Variants in EMX1 observed in about 807,000 individuals in gnomAD.
EMX1 encodes empty spiracles homeobox 1.
Under a neutral mutation model 20.1 loss-of-function variants are expected in EMX1, and 10 were observed. That is an observed-to-expected ratio of 0.50 (90% CI 0.31 to 0.84). The LOEUF is 0.84. Among genes scored for constraint, EMX1 ranks in the 40% least tolerant of loss-of-function variants. The pLI is 0.05. For missense variants in EMX1, 424 were observed against 431.9 expected (o/e 0.98, Z 0.16); for synonymous variants, 250 against 200.4 (o/e 1.25, Z -2.09).
intron 2 of EMX1, among the ~76,000 whole-genome samples, chr2:72,931,831 C>G (rs1266937385): frequency 6.6e-6 from 1 of 152,262 alleles, no homozygotes; most frequent in African/African-American, 2.4e-5. Context: ...CAGCTGCCCC[C>G]ATCCCCATGC....
At chr2:72,921,311 A>G (rs1224091563) in intron 1 of EMX1, among the ~76,000 whole-genome samples, 2 of 152,074 alleles carry the variant, frequency 1.3e-5, no homozygotes, top group African/African-American at 2.4e-5. Flanking sequence ...GTCCCTTTCC[A>G]CTTTGCTAAC....
chr2:72,925,852 C>G (rs1382281397), intron 2 of EMX1: 3 of 985,438 alleles, frequency 3.0e-6, no homozygotes, highest in Non-Finnish European at 3.6e-6. Context: ...AAATCGCTCA[C>G]GGGTCGGAGG....
intron 1 of EMX1, among the ~76,000 whole-genome samples, chr2:72,922,454 T>C (rs1198181696): frequency 1.3e-5 from 2 of 152,206 alleles, no homozygotes; most frequent in African/African-American, 4.8e-5. Flanking sequence ...CAGTCGGACC[T>C]GAGGGCCCTA....
In EMX1 at chr2:72,922,979, G is replaced by A. The variant is rs78308359; in HGVS notation, c.521-1330G>A. ...AGGGTTCCGTGTTTTTGGTGCATCA[G>A]GAGGCTGTTATGTGCCCTTACATGA... On this transcript the variant is annotated intron_variant, in intron 1 of 2. Transcript: ENST00000258106. Among the ~76,000 whole-genome samples the A allele has an allele frequency of 1.5e-3, 235 of 152,308 alleles. 6 individuals carry two copies. The East Asian group carries it at 0.041, about 26-fold the overall frequency.
Position 72,926,435 on chromosome 2 carries a change from A to C in EMX1, c.705+1942A>C, listed in dbSNP as rs1011093315. 1.0e-5 allele frequency: 5 copies of C among 486,938 alleles called. No individual in the cohort carries two copies. In the African/African-American group the frequency reaches 1.1e-4, roughly 10 times the overall value. The allele number at this position is 486,938 out of a possible 1,614,324, so 30.2% of individuals were successfully genotyped here. ...CTAATCTTCTTCCCGTCTGTAAATGAGCTGCTTTTTGCATATGGTACAACA... is the reference window on the plus strand; with the variant it reads ...CTAATCTTCTTCCCGTCTGTAAATGCGCTGCTTTTTGCATATGGTACAACA... On this transcript the variant is annotated intron_variant, in intron 2 of 2. Coordinates refer to ENST00000258106, the MANE Select transcript of EMX1 (RefSeq NM_004097.3).
chr2:72,918,391 CCCG>C lies in EMX1; in HGVS notation c.520+23_520+25del. ...TTCCAGGGTGAGTGTCCACGCTGTG[CCCG>C]CCGAGGCGGCCGGCCGGCGCCCGTG... On this transcript the variant is annotated intron_variant, in intron 1 of 2. Transcript: ENST00000258106. The C allele has an allele frequency of 7.3e-7, 1 of 1,365,214 alleles. No homozygotes were observed. Among genetic ancestry groups the C allele is most frequent in the African/African-American group, 1.5e-5 (1 of 65,318 alleles). The allele number at this position is 1,365,214 out of a possible 1,614,324, so 84.6% of individuals were successfully genotyped here. A position where few individuals can be genotyped will look rare whatever the true frequency, so the allele number is the denominator to read the frequency against.
chr2:72,918,928 C>T (rs1671048913), intron 1 of EMX1, among the ~76,000 whole-genome samples: 1 of 152,228 alleles, frequency 6.6e-6, no homozygotes, highest in African/African-American at 2.4e-5. Context: ...GGATGTTTCT[C>T]GGCAACCTTG....
chr2:72,930,267 G>A lies in EMX1; in HGVS notation c.706-3520G>A, dbSNP rs1470887319. 1.3e-5 allele frequency among the ~76,000 whole-genome samples: 2 copies of A among 152,200 alleles called. No individual in the cohort carries two copies. The highest frequency in any genetic ancestry group is 4.8e-5 in the African/African-American group (2 of 41,440). On this transcript the variant is annotated intron_variant, in intron 2 of 2. Transcript: ENST00000258106. This position sits in a 1 kb window ranked among gnomAD's most constrained non-coding sequence, Gnocchi z 4.4. ...CTCATAGTCTGGTGAGGAGGCAGAC[G>A]TAAATAAATAAATTAGTGCACAGTG...
chr2:72,918,089 G>A lies in EMX1; in HGVS notation c.237G>A (p.Arg79=), dbSNP rs774418488. 6 of 1,445,702 alleles carry A rather than the reference G, an allele frequency of 4.2e-6. No homozygotes were observed. The East Asian group carries it at 1.8e-4, about 44-fold the overall frequency. The allele number at this position is 1,445,702 out of a possible 1,614,324, so 89.6% of individuals were successfully genotyped here. A position where few individuals can be genotyped will look rare whatever the true frequency, so the allele number is the denominator to read the frequency against. The change falls in exon 1 of 3, where the codon CGG becomes CGA. Residue 79 remains arginine (R), a synonymous_variant. Transcript: ENST00000258106. ...LAAAASEEPL[R]PTALNYPHPS... is the part of the protein sequence containing the mutation. ...CGGCCGCCTCCGAGGAACCGCTCCG[G>A]CCCACGGCGCTCAACTACCCTCACC... is the stretch of plus-strand genomic sequence containing the variant.
chr2:72,919,989 G>A (rs1410411455), intron 1 of EMX1, among the ~76,000 whole-genome samples: 3 of 152,208 alleles, frequency 2.0e-5, no homozygotes, highest in African/African-American at 7.2e-5. Context: ...GCGGGCCGCC[G>A]CGGCCGAGGG....
rs1199759015 is a variant in EMX1 at position 72,917,943 on chromosome 2, G to A, written c.91G>A (p.Ala31Thr). ...CCGGCTGCCTCGCACAGCTCCCGCG[G>A]CTGCGACCATGTTCCAGCCCGCGGC... ...RARLPRTAPA[A>T]ATMFQPAAKR... The change falls in exon 1 of 3, where the codon GCT (alanine) becomes ACT (threonine). Residue 31 changes from alanine (A) to threonine (T), a missense_variant. Physicochemically the swap from Ala to Thr is moderately conservative, Grantham distance 58. Transcript: ENST00000258106. 1.3e-6 allele frequency: 2 copies of A among 1,486,352 alleles called. No individual in the cohort carries two copies. The highest frequency in any genetic ancestry group is 1.8e-6 in the Non-Finnish European group (2 of 1,126,082). 92.1% of individuals were successfully genotyped at this position (1,486,352 alleles called of 1,614,324 possible).
chr2:72,933,738 C>G (rs1294524565), intron 2 of EMX1, 49 bp from the exon 3 acceptor site: 1 of 1,602,742 alleles, frequency 6.2e-7, no homozygotes, highest in Non-Finnish European at 8.5e-7. Flanking sequence ...AGTGGCTGCT[C>G]TGGGGGCCTC....
intron 2 of EMX1, among the ~76,000 whole-genome samples, chr2:72,931,828 C>T (rs1245083539): frequency 6.6e-6 from 1 of 152,260 alleles, no homozygotes; most frequent in East Asian, 1.9e-4. Context: ...TGCCAGCTGC[C>T]CCCATCCCCA....
At chr2:72,919,448 C>T (rs1011723173) in intron 1 of EMX1, among the ~76,000 whole-genome samples, 1 of 152,056 alleles carries the variant, frequency 6.6e-6, no homozygotes, top group African/African-American at 2.4e-5. Context: ...CTAGGTAACC[C>T]GGCTTTTAGA....
intron 1 of EMX1, among the ~76,000 whole-genome samples, chr2:72,919,178 C>CACACA (rs1208128376): frequency 6.2e-5 from 8 of 128,498 alleles, no homozygotes; most frequent in African/African-American, 2.6e-4. Context: ...CTCCACTGGC[C>CACACA]CTACACACAC....
intron 2 of EMX1, chr2:72,933,495 G>A (rs1671316556): frequency 1.3e-5 from 5 of 375,892 alleles, no homozygotes; most frequent in Non-Finnish European, 2.4e-5. Flanking sequence ...GGCTTTGCTG[G>A]GGCTAGAGGA....
Position 72,924,452 on chromosome 2 carries a change from C to CG in EMX1, c.666dup (p.Lys223GlufsTer36). 6.3e-7 allele frequency: 1 copy of CG among 1,596,220 alleles called. No homozygotes were observed. Among genetic ancestry groups the CG allele is most frequent in the Non-Finnish European group, 8.5e-7 (1 of 1,175,972 alleles). On this transcript the variant is annotated frameshift_variant, in exon 2 of 3. Transcript: ENST00000258106. LOFTEE classifies it high-confidence loss of function. ...GAACCACTACGTGGTGGGCGCCGAG[C>CG]GGAAGCAGCTGGCCGGCAGTCTCAG...
intron 2 of EMX1, among the ~76,000 whole-genome samples, chr2:72,927,110 C>T (rs1671218167): frequency 6.6e-6 from 1 of 152,174 alleles, no homozygotes; most frequent in African/African-American, 2.4e-5. Context: ...AAACTGCCTC[C>T]CCAAAACTGG....
chr2:72,918,402 G>A, intron 1 of EMX1, 30 bp downstream of exon 1: 12 of 1,362,476 alleles, frequency 8.8e-6, no homozygotes, highest in Non-Finnish European at 1.1e-5. Flanking sequence ...CCGCCGAGGC[G>A]GCCGGCCGGC....
Sources: gnomAD v4.1 joint callset for allele counts (sites outside exome capture counted in the v4.1 genomes callset) on GRCh38, gnomAD v4.1.1 for gene constraint, Gnocchi (gnomAD v3.1) non-coding constraint, MANE v1.5 for transcripts, NCBI Gene and HGNC (gene_info 2026-07-23, HGNC 2026-07-21) for gene names.